Variants in MORN4 observed in about 807,000 individuals in gnomAD.
The protein encoded by MORN4 is MORN repeat containing 4, also known as MORN repeat-containing protein 4.
Under a neutral mutation model 16.4 loss-of-function variants are expected in MORN4, and 8 were observed. That is an observed-to-expected ratio of 0.49 (90% CI 0.29 to 0.88). The LOEUF (loss-of-function observed/expected upper bound fraction) is 0.88, where lower values mean the gene tolerates loss of function less well. Ranked by LOEUF, MORN4 falls within the 40% of genes least tolerant of loss-of-function variation. The pLI is 0.09. For missense variants in MORN4, 159 were observed against 182.9 expected (o/e 0.87, Z 0.75); for synonymous variants, 53 against 68.9 (o/e 0.77, Z 1.14).
chr10:97,631,238 G>A (rs2041393011), intron 1 of MORN4, among the ~76,000 whole-genome samples: 1 of 152,054 alleles, frequency 6.6e-6, no homozygotes, highest in Admixed American at 6.6e-5. Context: ...CAGGAGTTTA[G>A]GCTACAGATA....
intron 1 of MORN4, among the ~76,000 whole-genome samples, chr10:97,624,132 T>C (rs1342786182): frequency 6.6e-6 from 1 of 152,170 alleles, no homozygotes; most frequent in African/African-American, 2.4e-5. Context: ...CCAGTCAAGA[T>C]GGAGTTCCAA....
At chr10:97,628,538 C>CT (rs746160008) in intron 1 of MORN4, among the ~76,000 whole-genome samples, 3,698 of 144,954 alleles carry the variant, frequency 0.026, 99 homozygotes, top group South Asian at 0.077. Context: ...TTTTTTCTTT[C>CT]TTTTTTTTTT....
At chr10:97,619,260 G>A in intron 2 of MORN4, 3 of 403,838 alleles carry the variant, frequency 7.4e-6, no homozygotes, top group South Asian at 5.8e-5. Flanking sequence ...AGGGGGCAGA[G>A]GTTGCAGTGA....
chr10:97,616,057 C>G lies in MORN4; in HGVS notation c.*206G>C. On this transcript the variant is annotated 3_prime_UTR_variant, in exon 5 of 5. Coordinates refer to ENST00000307450, the MANE Select transcript of MORN4 (RefSeq NM_178832.4). ...AAGGGTTAGGGAAAGACAGAACCACCAATGACTGCTGCAGGGTCTGCTGGC... is the reference window on the plus strand; with the variant it reads ...AAGGGTTAGGGAAAGACAGAACCACGAATGACTGCTGCAGGGTCTGCTGGC... 2.2e-6 allele frequency: 1 copy of G among 446,826 alleles called. No homozygotes were observed. The highest frequency in any genetic ancestry group is 3.9e-6 in the Non-Finnish European group (1 of 257,090). The allele number at this position is 446,826 out of a possible 1,614,324, so 27.7% of individuals were successfully genotyped here.
rs936004754 is a variant in MORN4 at position 97,616,160 on chromosome 10, G to C, written c.*103C>G. 5.5e-6 allele frequency: 7 copies of C among 1,267,250 alleles called. No homozygotes were observed. In the African/African-American group the frequency reaches 1.1e-4, roughly 19 times the overall value. The allele number at this position is 1,267,250 out of a possible 1,614,324, so 78.5% of individuals were successfully genotyped here. ...GCACATACAAGGCCTCTGCTCCACT[G>C]TCATTGTCAACTCATCTCAGCTCTG... On this transcript the variant is annotated 3_prime_UTR_variant, in exon 5 of 5. Transcript: ENST00000307450.
intron 1 of MORN4, among the ~76,000 whole-genome samples, chr10:97,625,767 C>T (rs776776304): frequency 6.6e-5 from 10 of 152,132 alleles, no homozygotes; most frequent in African/African-American, 1.4e-4. Flanking sequence ...CATGTCATAA[C>T]GATTTTTTGT....
In MORN4 at chr10:97,626,066, C is replaced by CTTT. The variant is rs74855674; in HGVS notation, c.-30-6386_-30-6384dup. Among the ~76,000 whole-genome samples, 324 of 140,764 alleles carry CTTT rather than the reference C, an allele frequency of 2.3e-3. 13 individuals carry two copies. The highest frequency in any genetic ancestry group is 8.5e-3 in the East Asian group (41 of 4,828). 92.3% of individuals were successfully genotyped at this position (140,764 alleles called of 152,430 possible). A position where few individuals can be genotyped will look rare whatever the true frequency, so the allele number is the denominator to read the frequency against. ...TGAGCCACCACACCCAGCCTCATGC[C>CTTT]TTTTTTTTTTTTTTTTTTAAAGAGA... On this transcript the variant is annotated intron_variant, in intron 1 of 4. Transcript: ENST00000307450.
In MORN4 at chr10:97,616,368, A is replaced by G. The variant is rs773566976; in HGVS notation, c.336T>C (p.Asn112=). Residue 112 remains asparagine, a synonymous_variant, in exon 5 of 5, where the codon AAT becomes AAC. Transcript: ENST00000307450. The stretch of plus-strand genomic sequence containing the variant: ...GCTTGTTGTTCTCAAAGAGACCTTC[A>G]TTGCGGGGGATTCCATGAGAACCAT... ...FPDGSHGIPR[N]EGLFENNKLL... 3.3e-5 allele frequency: 53 copies of G among 1,611,782 alleles called. No homozygotes were observed. The highest frequency in any genetic ancestry group is 6.6e-5 in the South Asian group (6 of 90,792).
In MORN4 at chr10:97,616,383, A is replaced by G; in HGVS notation, c.321T>C (p.His107=). ...FGLLTFPDGS[H]GIPRNEGLFE... The stretch of plus-strand genomic sequence containing the variant: ...AGAGACCTTCATTGCGGGGGATTCC[A>G]TGAGAACCATCAGGGAAAGTCAGCA... The change falls in exon 5 of 5, where the codon CAT becomes CAC. Residue 107 remains histidine, a synonymous_variant. Transcript: ENST00000307450. The G allele has an allele frequency of 1.2e-6, 2 of 1,609,796 alleles. No homozygotes were observed. The highest frequency in any genetic ancestry group is 8.5e-7 in the Non-Finnish European group (1 of 1,178,140).
At chr10:97,617,815 G>C (rs1247501231) in intron 2 of MORN4, among the ~76,000 whole-genome samples, 16 of 149,678 alleles carry the variant, frequency 1.1e-4, no homozygotes, top group Admixed American at 1.1e-3. Flanking sequence ...AGCTGAGATC[G>C]CGCCACTGCA....
chr10:97,632,212 CTTTTTTTTTTT>C (rs1162979185), intron 1 of MORN4, among the ~76,000 whole-genome samples: 7 of 86,976 alleles, frequency 8.0e-5, no homozygotes, highest in Non-Finnish European at 8.4e-5. Flanking sequence ...TAATACTCCC[CTTTTTTTTTTT>C]TTTTTTTTTT....
At chr10:97,629,753 T>TTTTG (rs900515231) in intron 1 of MORN4, among the ~76,000 whole-genome samples, 1 of 151,948 alleles carries the variant, frequency 6.6e-6, no homozygotes, top group Non-Finnish European at 1.5e-5. Context: ...GGTGTTTTTT[T>TTTTG]TTTGTTTGTT....
chr10:97,620,779 A>G lies in MORN4; in HGVS notation c.-30-1096T>C, dbSNP rs544929376. 2.6e-5 allele frequency among the ~76,000 whole-genome samples: 4 copies of G among 152,048 alleles called. No homozygotes were observed. The East Asian group carries it at 7.7e-4, about 29-fold the overall frequency. ...GATCACTTGAGCCCAGGAGTTCAAG[A>G]CCAGCCTGGGCAACATAGCAAGACC... On this transcript the variant is annotated intron_variant, in intron 1 of 4. Transcript: ENST00000307450.
At chr10:97,633,659 G>T, upstream of MORN4, 1 of 1,266,620 alleles carries the variant, frequency 7.9e-7, no homozygotes, top group South Asian at 1.3e-5. The surrounding 1 kb of genome is among the most constrained non-coding windows in gnomAD (Gnocchi z 4.5). Context: ...CCTCTGCAAC[G>T]CAGATAAAGA....
chr10:97,633,522 T>C, upstream of MORN4: 1 of 1,289,834 alleles, frequency 7.8e-7, no homozygotes, highest in Non-Finnish European at 1.0e-6. This position sits in a 1 kb window ranked among gnomAD's most constrained non-coding sequence, Gnocchi z 4.5. Context: ...CCGCTGCCCA[T>C]TGGCTGTTAC....
intron 1 of MORN4, among the ~76,000 whole-genome samples, chr10:97,620,572 G>A (rs889585382): frequency 6.6e-6 from 1 of 150,818 alleles, no homozygotes; most frequent in African/African-American, 2.4e-5. Flanking sequence ...AGGGCAATGT[G>A]AACACGAGAT....
intron 3 of MORN4, 131 bp downstream of exon 3, chr10:97,617,077 C>A (rs2041242184): frequency 2.7e-6 from 2 of 744,980 alleles, no homozygotes; most frequent in African/African-American, 1.7e-5. Context: ...AATAAAAGAA[C>A]TACTTATTAC....
At chr10:97,631,623 A>AC (rs1369866019) in intron 1 of MORN4, among the ~76,000 whole-genome samples, 2 of 152,118 alleles carry the variant, frequency 1.3e-5, no homozygotes, top group Non-Finnish European at 2.9e-5. Flanking sequence ...AGGATTAAAA[A>AC]AAAAAAAACT....
intron 1 of MORN4, among the ~76,000 whole-genome samples, chr10:97,627,239 GT>G (rs1296072817): frequency 8.6e-5 from 13 of 151,956 alleles, no homozygotes; most frequent in Admixed American, 2.0e-4. Flanking sequence ...CGTCTCCTGG[GT>G]TCAAGCAATT....
Sources: gnomAD v4.1 joint callset for allele counts (sites outside exome capture counted in the v4.1 genomes callset) on GRCh38, gnomAD v4.1.1 for gene constraint, Gnocchi (gnomAD v3.1) non-coding constraint, MANE v1.5 for transcripts, NCBI Gene and HGNC (gene_info 2026-07-23, HGNC 2026-07-21) for gene names.